PDIA3: variants seen among roughly 807,000 people sequenced by gnomAD.
PDIA3 encodes the protein protein disulfide-isomerase A3.
In PDIA3, 16 loss-of-function variants were observed where a neutral mutation model predicts 56.9. The ratio of observed to expected loss-of-function variants is 0.28; its 90% CI spans 0.19 to 0.43. The LOEUF (loss-of-function observed/expected upper bound fraction) is 0.43. PDIA3 is among the 20% of genes least tolerant of loss of function. The pLI, the probability that PDIA3 is intolerant of heterozygous loss-of-function variation, is 1.00. For missense variants in PDIA3, 485 were observed against 621.3 expected (o/e 0.78, Z 2.33); for synonymous variants, 192 against 216.5 (o/e 0.89, Z 0.99).
chr15:43,764,804 C>A (rs942682829), intron 5 of PDIA3, among the ~76,000 whole-genome samples: 1 of 152,134 alleles, frequency 6.6e-6, no homozygotes, highest in African/African-American at 2.4e-5. Flanking sequence ...TCTACTCTAA[C>A]CCCCTTTTGA....
intron 1 of PDIA3, chr15:43,747,189 TGGCTGC>T (rs2086712634): frequency 6.4e-6 from 1 of 156,778 alleles, no homozygotes; most frequent in Non-Finnish European, 1.4e-5. Flanking sequence ...GGTCACTGAG[TGGCTGC>T]AGAATGGTCG....
chr15:43,756,628 T>A (rs2086779958), intron 2 of PDIA3, 21 bp from the exon 3 acceptor site: 2 of 1,310,748 alleles, frequency 1.5e-6, no homozygotes, highest in Non-Finnish European at 2.2e-6. Flanking sequence ...AAGAAAATAG[T>A]TTGTGTATTT....
chr15:43,752,366 C>T (rs902149760), intron 1 of PDIA3, among the ~76,000 whole-genome samples: 10 of 152,112 alleles, frequency 6.6e-5, no homozygotes, highest in Non-Finnish European at 1.2e-4. Flanking sequence ...CATAAGATAC[C>T]ACTGATTGTG....
chr15:43,752,112 T>C (rs985351489), intron 1 of PDIA3, among the ~76,000 whole-genome samples: 1 of 152,246 alleles, frequency 6.6e-6, no homozygotes, highest in Non-Finnish European at 1.5e-5. Flanking sequence ...GTAGTCTTAG[T>C]ACACGTGCAC....
chr15:43,755,719 G>A lies in PDIA3; in HGVS notation c.247-930G>A, dbSNP rs553054584. 6.6e-5 allele frequency among the ~76,000 whole-genome samples: 10 copies of A among 152,202 alleles called. No homozygotes were observed. In the East Asian group the frequency reaches 1.5e-3, roughly 24 times the overall value. Reference sequence around the variant, plus strand: ...TCCTGAGGTCTGGAGTTCAAGACCAGCCTGGCCAACATGGTGAAACCCCGT... The same window carrying A: ...TCCTGAGGTCTGGAGTTCAAGACCAACCTGGCCAACATGGTGAAACCCCGT... On this transcript the variant is annotated intron_variant, in intron 2 of 12. Transcript: ENST00000300289.
chr15:43,763,021 A>G, intron 4 of PDIA3, 56 bp from the exon 5 acceptor site: 1 of 1,552,178 alleles, frequency 6.4e-7, no homozygotes, highest in Non-Finnish European at 8.9e-7. Context: ...ATGGTTTGGA[A>G]TGTCCATCTG....
rs12441861 is a variant in PDIA3 at position 43,768,685 on chromosome 15, C to T, written c.1137+88C>T. On this transcript the variant is annotated intron_variant, in intron 9 of 12. Coordinates refer to ENST00000300289, the MANE Select transcript of PDIA3 (RefSeq NM_005313.5). ...AACTGTGGGGTCTAAATGAAGACTT[C>T]GTTGGCCATCTCTTTTTTTTTTTGT... 103,576 of 819,206 alleles carry T rather than the reference C, an allele frequency of 0.13. 9,195 individuals carry two copies. The highest frequency in any genetic ancestry group is 0.34 in the African/African-American group (19,562 of 58,266). The allele number at this position is 819,206 out of a possible 1,614,324, so 50.7% of individuals were successfully genotyped here.
chr15:43,766,617 A>C, intron 7 of PDIA3, 111 bp from the exon 8 acceptor site: 1 of 800,984 alleles, frequency 1.2e-6, no homozygotes, highest in Non-Finnish European at 2.0e-6. Context: ...TGATTCCAGA[A>C]GGCTAGAACT....
chr15:43,772,692 T>C lies in PDIA3; in HGVS notation c.*1474T>C, dbSNP rs1413888339. On this transcript the variant is annotated 3_prime_UTR_variant, in exon 13 of 13. Coordinates refer to ENST00000300289, the MANE Select transcript of PDIA3 (RefSeq NM_005313.5). ...GTAACACCCAGGCCCTTTCCCATTA[T>C]ATCCAGGTATGCTACAAGTTCTTTT... The C allele has an allele frequency of 6.5e-6, 1 of 154,292 alleles. No homozygotes were observed. Among genetic ancestry groups the C allele is most frequent in the African/African-American group, 2.4e-5 (1 of 41,558 alleles). 9.6% of individuals were successfully genotyped at this position (154,292 alleles called of 1,614,324 possible).
chr15:43,751,860 ATTTT>A, intron 1 of PDIA3: 1 of 787,354 alleles, frequency 1.3e-6, no homozygotes, highest in Non-Finnish European at 1.8e-6. Flanking sequence ...ATTGTATGTG[ATTTT>A]TTTCTCTTAA....
chr15:43,771,758 A>AC lies in PDIA3; in HGVS notation c.*541dup, dbSNP rs1174941294. 5.0e-6 allele frequency: 2 copies of AC among 397,592 alleles called. No homozygotes were observed. Among genetic ancestry groups the AC allele is most frequent in the East Asian group, 7.1e-5 (2 of 28,080 alleles). The allele number at this position is 397,592 out of a possible 1,614,324, so 24.6% of individuals were successfully genotyped here. The stretch of plus-strand genomic sequence containing the variant: ...TACTGGTCACGGCAGCTGTAGACTG[A>AC]CTGGGTCCATAGTTCATCACCTCAA... On this transcript the variant is annotated 3_prime_UTR_variant, in exon 13 of 13. Coordinates refer to ENST00000300289, the MANE Select transcript of PDIA3 (RefSeq NM_005313.5).
At chr15:43,770,441 C>G in intron 11 of PDIA3, 82 bp from the exon 12 acceptor site, 1 of 1,338,562 alleles carries the variant, frequency 7.5e-7, no homozygotes, top group South Asian at 1.2e-5. Flanking sequence ...GAAGGCAGAA[C>G]CACTGATTCC....
chr15:43,756,883 T>C (rs1383097208), intron 3 of PDIA3, 117 bp downstream of exon 3: 3 of 602,426 alleles, frequency 5.0e-6, no homozygotes, highest in Non-Finnish European at 8.9e-6. Flanking sequence ...CTTCCTCATC[T>C]AAGAGGTCAG....
intron 1 of PDIA3, among the ~76,000 whole-genome samples, chr15:43,750,732 G>C (rs530306813): frequency 7.0e-4 from 106 of 151,244 alleles, no homozygotes; most frequent in South Asian, 4.8e-3. Flanking sequence ...CCAAGATCAC[G>C]CCACTGCACT....
At chr15:43,748,568 C>G (rs1213541039) in intron 1 of PDIA3, among the ~76,000 whole-genome samples, 2 of 152,078 alleles carry the variant, frequency 1.3e-5, no homozygotes, top group African/African-American at 4.8e-5. Context: ...ACTACATATC[C>G]CATCAGGCAC....
intron 1 of PDIA3, among the ~76,000 whole-genome samples, chr15:43,752,363 T>C (rs991532562): frequency 6.6e-6 from 1 of 152,208 alleles, no homozygotes; most frequent in Non-Finnish European, 1.5e-5. Context: ...ACACATAAGA[T>C]ACCACTGATT....
intron 3 of PDIA3, among the ~76,000 whole-genome samples, chr15:43,757,593 G>A (rs1358423116): frequency 6.6e-6 from 1 of 151,030 alleles, no homozygotes; most frequent in African/African-American, 2.4e-5. Flanking sequence ...AGGCACAGTG[G>A]CTCACACCTA....
chr15:43,753,681 T>G, intron 1 of PDIA3, 143 bp from the exon 2 acceptor site: 2 of 624,282 alleles, frequency 3.2e-6, no homozygotes, highest in Non-Finnish European at 5.8e-6. Flanking sequence ...CAATAATGAA[T>G]GTTGTTCATG....
chr15:43,759,876 G>A (rs2086803177), intron 3 of PDIA3, among the ~76,000 whole-genome samples: 1 of 151,892 alleles, frequency 6.6e-6, no homozygotes, highest in African/African-American at 2.4e-5. Flanking sequence ...ACGAGGTCAG[G>A]AGTTCAAGAC....
Sources: gnomAD v4.1 joint callset for allele counts (sites outside exome capture counted in the v4.1 genomes callset) on GRCh38, gnomAD v4.1.1 for gene constraint, MANE v1.5 for transcripts, NCBI Gene and HGNC (gene_info 2026-07-23, HGNC 2026-07-21) for gene names.